NTRK1: variants seen among roughly 807,000 people sequenced by gnomAD.
The protein encoded by NTRK1 is neurotrophic receptor tyrosine kinase 1, also known as high affinity nerve growth factor receptor.
NTRK1 carries 62 observed loss-of-function variants against 86.8 expected under a neutral mutation model. The ratio of observed to expected loss-of-function variants is 0.71; its 90% CI spans 0.58 to 0.88. The LOEUF is 0.88. Among genes scored for constraint, NTRK1 ranks in the 40% least tolerant of loss-of-function variants. The pLI is 0.00. For missense variants in NTRK1, 967 were observed against 1,078.4 expected (o/e 0.90, Z 1.45); for synonymous variants, 469 against 456.6 (o/e 1.03, Z -0.35).
chr1:156,859,723 C>T (rs1571679699), upstream of NTRK1, among the ~76,000 whole-genome samples: 1 of 152,252 alleles, frequency 6.6e-6, no homozygotes, highest in East Asian at 1.9e-4. This position sits in a 1 kb window ranked among gnomAD's most constrained non-coding sequence, Gnocchi z 6.2. Context: ...GTCCCTGTCT[C>T]GGGGACTTGG....
intron 8 of NTRK1, 183 bp from the exon 9 acceptor site, chr1:156,874,200 C>T (rs1238183729): frequency 9.9e-6 from 10 of 1,009,760 alleles, no homozygotes; most frequent in Non-Finnish European, 1.5e-5. Flanking sequence ...GCAGGGCATC[C>T]TGGCCCAGCT....
intron 7 of NTRK1, among the ~76,000 whole-genome samples, chr1:156,872,359 C>G (rs181989162): frequency 6.6e-6 from 1 of 152,146 alleles, no homozygotes; most frequent in African/African-American, 2.4e-5. Flanking sequence ...TCAGGATAAC[C>G]ATTTCCTTGC....
chr1:156,842,436 G>A (rs1654835340), intron 2 of NTRK1: 3 of 1,613,926 alleles, frequency 1.9e-6, no homozygotes, highest in Admixed American at 1.7e-5. Flanking sequence ...TGGCTCTTGA[G>A]GTCCCCACGG....
intron 6 of NTRK1, among the ~76,000 whole-genome samples, chr1:156,870,406 G>C (rs1489706375): frequency 1.3e-5 from 2 of 152,086 alleles, no homozygotes; most frequent in Admixed American, 1.3e-4. Flanking sequence ...ACCCTAAATG[G>C]GTTAAATGGA....
intron 1 of NTRK1, among the ~76,000 whole-genome samples, chr1:156,827,365 G>C (rs1164577321): frequency 6.6e-6 from 1 of 151,922 alleles, no homozygotes; most frequent in African/African-American, 2.4e-5. Context: ...AGGTTCTAAG[G>C]GATTCTTTTG....
chr1:156,823,686 G>A (rs1406764486), intron 1 of NTRK1, among the ~76,000 whole-genome samples: 1 of 152,212 alleles, frequency 6.6e-6, no homozygotes, highest in East Asian at 1.9e-4. Context: ...ATAGGGCTCA[G>A]TATCAATGTG....
intron 7 of NTRK1, among the ~76,000 whole-genome samples, chr1:156,872,679 C>CTT (rs1300739349): frequency 3.5e-5 from 5 of 140,934 alleles, no homozygotes; most frequent in East Asian, 2.0e-4. Flanking sequence ...GGGTCTATTT[C>CTT]TTTTTTTTTT....
At chr1:156,851,123 C>T in intron 2 of NTRK1, 1 of 750,640 alleles carries the variant, frequency 1.3e-6, no homozygotes, top group East Asian at 2.5e-5. Context: ...TATATTAGCC[C>T]TATTTTACAG....
upstream of NTRK1, chr1:156,858,393 TGG>T (rs1478928663): frequency 1.2e-5 from 8 of 663,466 alleles, no homozygotes; most frequent in Non-Finnish European, 1.9e-5. Context: ...CTTTTCCTGC[TGG>T]GCAGTTCTCC....
chr1:156,876,961 C>T (rs568552789), intron 14 of NTRK1, among the ~76,000 whole-genome samples: 1 of 152,256 alleles, frequency 6.6e-6, no homozygotes, highest in African/African-American at 2.4e-5. Flanking sequence ...TTCTATGTTC[C>T]AGGTGCTATG....
chr1:156,879,241 C>A lies in NTRK1; in HGVS notation c.1925C>A (p.Ala642Glu), dbSNP rs920692665. The A allele has an allele frequency of 6.2e-7, 1 of 1,613,998 alleles. No homozygotes were observed. Among genetic ancestry groups the A allele is most frequent in the Non-Finnish European group, 8.5e-7 (1 of 1,180,018 alleles). The change falls in exon 15 of 17, where the codon GCG becomes GAG. Residue 642 changes from alanine to glutamate, a missense_variant. Physicochemically the swap from Ala to Glu is moderately radical, Grantham distance 107. This residue lies in a region of NTRK1 where 637 missense variants were observed against 776.5 expected (regional missense o/e 0.82). Transcript: ENST00000524377. ...SQVAAGMVYL[A>E]GLHFVHRDLA... ...GTCGCTGCGGGGATGGTGTACCTGG[C>A]GGGTCTGCATTTTGTGCACCGGGAC...
chr1:156,845,607 C>G, intron 2 of NTRK1: 6 of 1,592,740 alleles, frequency 3.8e-6, no homozygotes, highest in Non-Finnish European at 5.1e-6. Flanking sequence ...AGGCCGCGCG[C>G]GCTCTTCGCA....
At chr1:156,870,615 C>T (rs1647498855) in intron 6 of NTRK1, among the ~76,000 whole-genome samples, 1 of 152,212 alleles carries the variant, frequency 6.6e-6, no homozygotes, top group Non-Finnish European at 1.5e-5. Flanking sequence ...AACCTTTGAA[C>T]TCACATATTC....
intron 1 of NTRK1, chr1:156,840,619 C>T (rs1412545308): frequency 7.2e-6 from 4 of 552,322 alleles, no homozygotes; most frequent in Non-Finnish European, 3.3e-6. Flanking sequence ...CAGGACATCT[C>T]TCCCTGACCT....
intron 2 of NTRK1, among the ~76,000 whole-genome samples, chr1:156,855,329 G>A (rs1418137968): frequency 2.6e-5 from 4 of 151,996 alleles, no homozygotes; most frequent in Non-Finnish European, 5.9e-5. Flanking sequence ...TCAGCCTCCC[G>A]AGTAGCTGGG....
chr1:156,838,797 T>A (rs1370646839), intron 1 of NTRK1, among the ~76,000 whole-genome samples: 2 of 152,202 alleles, frequency 1.3e-5, no homozygotes, highest in Non-Finnish European at 2.9e-5. Flanking sequence ...ATCCCTTCCT[T>A]AAGCTCTTCC....
At chr1:156,875,700 AGTGTGTGTGTGTGTGT>A (rs56185968) in intron 12 of NTRK1, 34 bp downstream of exon 12, 32 of 1,386,812 alleles carry the variant, frequency 2.3e-5, no homozygotes, top group Middle Eastern at 1.9e-4. Flanking sequence ...GGCAGGGACG[AGTGTGTGTGTGTGTGT>A]GTGTGTGTGT....
chr1:156,823,993 T>C (rs1654256522), intron 1 of NTRK1, among the ~76,000 whole-genome samples: 1 of 152,202 alleles, frequency 6.6e-6, no homozygotes, highest in African/African-American at 2.4e-5. Flanking sequence ...GTGCTGGGCC[T>C]GGATGAGGCA....
At chr1:156,873,024 T>TGA (rs1486318741) in intron 7 of NTRK1, among the ~76,000 whole-genome samples, 1 of 146,250 alleles carries the variant, frequency 6.8e-6, no homozygotes, top group Non-Finnish European at 1.5e-5. Flanking sequence ...AAAGAGTGTG[T>TGA]GTGTGTGTGT....
Sources: allele counts gnomAD v4.1 joint callset (sites outside exome capture counted in the v4.1 genomes callset), GRCh38; gene constraint gnomAD v4.1.1; regional missense constraint gnomAD v4.1.1; non-coding constraint Gnocchi (gnomAD v3.1); transcripts MANE v1.5; gene names NCBI Gene and HGNC (gene_info 2026-07-23, HGNC 2026-07-21).